Variants in TENM1 observed in about 807,000 individuals in gnomAD.
TENM1 encodes teneurin-1.
Under a neutral mutation model 174.8 loss-of-function variants are expected in TENM1, and 35 were observed. That is an observed-to-expected ratio of 0.20 (90% CI 0.15 to 0.27). The LOEUF is 0.27. Ranked by LOEUF, TENM1 falls within the 10% of genes least tolerant of loss-of-function variation. The pLI, the probability that TENM1 is intolerant of heterozygous loss-of-function variation, is 1.00. For missense variants in TENM1, 1,633 were observed against 2,130.1 expected (o/e 0.77, Z 4.59); for synonymous variants, 781 against 798.7 (o/e 0.98, Z 0.37).
intron 5 of TENM1, among the ~76,000 whole-genome samples, chrX:124,699,619 A>T (rs1340380248): frequency 9.0e-6 from 1 of 111,531 alleles, no homozygotes; most frequent in African/African-American, 3.2e-5. Context: ...CCTAACTCTG[A>T]TTCTAGAAAT....
At chrX:124,476,499 G>A (rs781101949) in intron 22 of TENM1, among the ~76,000 whole-genome samples, 23 of 111,789 alleles carry the variant, frequency 2.1e-4, no homozygotes, top group South Asian at 3.8e-4. Context: ...CACTTGTCTG[G>A]ATATTGCCTA....
chrX:124,709,813 T>C (rs1326759689), intron 4 of TENM1, among the ~76,000 whole-genome samples: 2 of 110,958 alleles, frequency 1.8e-5, no homozygotes, highest in African/African-American at 3.3e-5. Flanking sequence ...TCTATTCTTC[T>C]GTATGTCAAA....
In TENM1 at chrX:124,851,103, C is replaced by T. The variant is rs2056711402; in HGVS notation, c.535+43193G>A. Among the ~76,000 whole-genome samples, 3 of 111,796 alleles carry T rather than the reference C, an allele frequency of 2.7e-5. No individual in the cohort carries two copies. In the Admixed American group the frequency reaches 2.8e-4, roughly 11 times the overall value. ...AAAAATTGTTGACACATCAACAAAA[C>T]GATCTCTGTGATCAAAGTTTTATCC... On this transcript the variant is annotated intron_variant, in intron 3 of 31. Coordinates refer to ENST00000422452, the Ensembl canonical transcript of TENM1.
rs143331863 is a variant in TENM1 at position 124,748,379 on chromosome X, A to G, written c.536-11182T>C. On this transcript the variant is annotated intron_variant, in intron 3 of 31. Transcript: ENST00000422452. Reference sequence around the variant, plus strand: ...ATAGAGAGAGAGATTATATATATATATATTTAAATTTTATTGTTATGTGTA... The same window carrying G: ...ATAGAGAGAGAGATTATATATATATGTATTTAAATTTTATTGTTATGTGTA... 8.2e-5 allele frequency among the ~76,000 whole-genome samples: 9 copies of G among 110,121 alleles called. No homozygotes were observed. In the East Asian group the frequency reaches 2.5e-3, roughly 31 times the overall value.
chrX:125,094,944 T>G, the TENM1 span, among the ~76,000 whole-genome samples: 1 of 112,416 alleles, frequency 8.9e-6, no homozygotes, highest in Non-Finnish European at 1.9e-5. Context: ...CAGTTTTTAA[T>G]GTGTGTAAGG....
intron 3 of TENM1, among the ~76,000 whole-genome samples, chrX:124,812,609 A>T (rs920329292): frequency 1.8e-5 from 2 of 111,235 alleles, no homozygotes; most frequent in African/African-American, 6.5e-5. Flanking sequence ...AATAAAAAAA[A>T]TGCTGAAGGA....
intron 11 of TENM1, among the ~76,000 whole-genome samples, chrX:124,581,929 C>T (rs1404130405): frequency 9.0e-6 from 1 of 111,424 alleles, no homozygotes; most frequent in Non-Finnish European, 1.9e-5. Context: ...GTGGGATGCG[C>T]AGATTTGTTA....
intron 18 of TENM1, among the ~76,000 whole-genome samples, chrX:124,514,123 CT>C (rs200682757): frequency 0.042 from 4,681 of 110,497 alleles, 262 homozygotes; most frequent in African/African-American, 0.14. Flanking sequence ...GAATTGTACA[CT>C]TTAAGTGAGT....
intron 23 of TENM1, among the ~76,000 whole-genome samples, chrX:124,448,891 T>C (rs2060996506): frequency 9.0e-6 from 1 of 111,616 alleles, no homozygotes; most frequent in Non-Finnish European, 1.9e-5. Context: ...GGATGGAGAA[T>C]GGGATTTGGA....
chrX:124,895,665 T>C (rs2057549950), intron 2 of TENM1, among the ~76,000 whole-genome samples: 2 of 112,322 alleles, frequency 1.8e-5, no homozygotes, highest in Admixed American at 9.5e-5. Context: ...TAATAAATTC[T>C]ACTAGTATTG....
At chrX:124,428,468 A>C (rs1032416831) in intron 23 of TENM1, among the ~76,000 whole-genome samples, 78 of 112,147 alleles carry the variant, frequency 7.0e-4, no homozygotes, top group African/African-American at 2.5e-3. Context: ...CCCATACTGT[A>C]TGCTCAAACC....
intron 5 of TENM1, among the ~76,000 whole-genome samples, chrX:124,703,977 C>T (rs1315411287): frequency 8.9e-6 from 1 of 112,134 alleles, no homozygotes; most frequent in Non-Finnish European, 1.9e-5. Flanking sequence ...AAAATATAGC[C>T]GTTTATTTAC....
the TENM1 span, among the ~76,000 whole-genome samples, chrX:124,996,597 A>C: frequency 2.7e-5 from 3 of 109,260 alleles, no homozygotes; most frequent in Non-Finnish European, 5.7e-5. Context: ...AGAATAATAT[A>C]ATTGCAGCTT....
chrX:124,420,974 C>T (rs2060645889), intron 24 of TENM1, among the ~76,000 whole-genome samples, 153 bp from the exon 28 acceptor site: 1 of 112,121 alleles, frequency 8.9e-6, no homozygotes, highest in Non-Finnish European at 1.9e-5. Flanking sequence ...AATATGAAGC[C>T]TATTATTCAA....
chrX:124,626,590 C>A (rs2050642159), intron 11 of TENM1, among the ~76,000 whole-genome samples: 1 of 111,873 alleles, frequency 8.9e-6, no homozygotes, highest in African/African-American at 3.2e-5. Flanking sequence ...ATATCTCCTG[C>A]CAAGGTGCAC....
intron 6 of TENM1, among the ~76,000 whole-genome samples, chrX:124,669,453 G>A (rs1317110745): frequency 9.0e-6 from 1 of 111,224 alleles, no homozygotes; most frequent in Non-Finnish European, 1.9e-5. Flanking sequence ...TTTATGGGAT[G>A]TGTCTTATGT....
At chrX:124,417,691 T>C (rs2060609849) in intron 25 of TENM1, among the ~76,000 whole-genome samples, 1 of 111,484 alleles carries the variant, frequency 9.0e-6, no homozygotes, top group Admixed American at 9.5e-5. Context: ...TAGACTCATA[T>C]ATCCAATTGT....
At chrX:124,537,055 G>C (rs1320647784) in intron 15 of TENM1, among the ~76,000 whole-genome samples, 1 of 111,383 alleles carries the variant, frequency 9.0e-6, no homozygotes, top group Non-Finnish European at 1.9e-5. Context: ...CCACAGCTGT[G>C]TTCTAGCTCT....
chrX:124,468,863 A>C, intron 22 of TENM1, among the ~76,000 whole-genome samples: 1 of 112,353 alleles, frequency 8.9e-6, no homozygotes, highest in South Asian at 3.7e-4. Flanking sequence ...TCCATGCAAC[A>C]TTATATTTTT....
Sources: gnomAD v4.1 joint callset for allele counts (sites outside exome capture counted in the v4.1 genomes callset) on GRCh38, gnomAD v4.1.1 for gene constraint, MANE v1.5 for transcripts, NCBI Gene and HGNC (gene_info 2026-07-23, HGNC 2026-07-21) for gene names.